NEU3: variants seen among roughly 807,000 people sequenced by gnomAD.
NEU3 encodes the protein neuraminidase 3, also known as sialidase-3.
A neutral mutation model predicts 11.4 loss-of-function variants in NEU3; 10 were observed. That is an observed-to-expected ratio of 0.88 (90% CI 0.54 to 1.49). The LOEUF (loss-of-function observed/expected upper bound fraction) is 1.49, where lower values mean the gene tolerates loss of function less well. NEU3 is among the 40% of genes most tolerant of loss of function. The pLI is 0.00. For synonymous variants in NEU3, 212 were observed against 228.2 expected, an observed-to-expected ratio of 0.93 and a Z score of 0.64; for missense variants, 529 against 581.8, an observed-to-expected ratio of 0.91 and a Z score of 0.93.
At position 75,006,643 on chromosome 11, in the gene NEU3, G is replaced by T; in HGVS notation, c.*151G>T. 1.1e-6 allele frequency: 1 copy of T among 927,574 alleles called. No individual in the cohort carries two copies. The highest frequency in any genetic ancestry group is 1.6e-6 in the Non-Finnish European group (1 of 640,504). 57.5% of individuals were successfully genotyped at this position (927,574 alleles called of 1,614,324 possible). A position where few individuals can be genotyped will look rare whatever the true frequency, so the allele number is the denominator to read the frequency against. ...CTCCAAAGAGCAAAATGAAAATTTT[G>T]CCTTAGCTACTGCAGTGGAAAGAGC... On this transcript the variant is annotated 3_prime_UTR_variant, in exon 3 of 3. Transcript: ENST00000294064.
At chr11:75,014,166 T>C (rs1363676185), downstream of NEU3, among the ~76,000 whole-genome samples, 1 of 152,214 alleles carries the variant, frequency 6.6e-6, no homozygotes, top group African/African-American at 2.4e-5. Flanking sequence ...ATCAGATGGC[T>C]TCCAAGACTC....
Position 74,994,618 on chromosome 11 carries a change from C to A in NEU3, c.204C>A (p.Thr68=), listed in dbSNP as rs780097053. Residue 68 remains threonine, a synonymous_variant, in exon 2 of 3, where the codon ACC becomes ACA. Coordinates refer to ENST00000294064, the MANE Select transcript of NEU3 (RefSeq NM_006656.6). ...CAGCCCTGCTCTACATACCCCCCAC[C>A]CACACCTTCCTGGCCTTTGCAGAGA... ...RIPALLYIPP[T]HTFLAFAEKR... 2 of 1,614,008 alleles carry A rather than the reference C, an allele frequency of 1.2e-6. No homozygotes were observed. The highest frequency in any genetic ancestry group is 4.5e-5 in the East Asian group (2 of 44,884).
At chr11:74,980,571 T>G in the NEU3 span, among the ~76,000 whole-genome samples, 1 of 152,192 alleles carries the variant, frequency 6.6e-6, no homozygotes, top group Non-Finnish European at 1.5e-5. Flanking sequence ...GCACGTTAAT[T>G]TAGACTTTTA....
upstream of NEU3, chr11:74,988,865 G>T (rs1344914339): frequency 5.2e-6 from 3 of 579,676 alleles, no homozygotes; most frequent in African/African-American, 3.9e-5. Flanking sequence ...TAGGCCAACG[G>T]TTGGCCCCAA....
At chr11:75,020,348 G>C (rs1948997713), downstream of NEU3, among the ~76,000 whole-genome samples, 1 of 152,188 alleles carries the variant, frequency 6.6e-6, no homozygotes, top group Non-Finnish European at 1.5e-5. Flanking sequence ...GTGAGGACCT[G>C]AGGTTTGGGA....
chr11:74,993,261 TG>T (rs749555571), intron 1 of NEU3, among the ~76,000 whole-genome samples: 11 of 152,128 alleles, frequency 7.2e-5, no homozygotes, highest in Admixed American at 5.2e-4. Flanking sequence ...TGGAGTGCAG[TG>T]GGGCAATCTC....
chr11:74,988,113 C>T (rs1013207718), upstream of NEU3: 2 of 151,988 alleles, frequency 1.3e-5, no homozygotes, highest in East Asian at 1.9e-4. Flanking sequence ...ATTTTTATGT[C>T]CTCTAAGTTA....
chr11:75,015,879 C>T (rs950956100), downstream of NEU3, among the ~76,000 whole-genome samples: 8 of 152,166 alleles, frequency 5.3e-5, no homozygotes, highest in African/African-American at 1.9e-4. Flanking sequence ...TACTGATATT[C>T]TTTCCAATAA....
chr11:75,005,310 AAT>A, intron 2 of NEU3, 101 bp from the exon 3 acceptor site: 4 of 1,225,954 alleles, frequency 3.3e-6, no homozygotes, highest in Non-Finnish European at 4.4e-6. Context: ...TATAGATTTC[AAT>A]ATCATTTATT....
the NEU3 span, among the ~76,000 whole-genome samples, chr11:74,982,980 T>C: frequency 1.3e-5 from 2 of 152,042 alleles, no homozygotes; most frequent in African/African-American, 4.8e-5. Flanking sequence ...TTAAACTGCT[T>C]GGTTTGGGTG....
chr11:74,989,067 C>T lies in NEU3; in HGVS notation c.7C>T (p.Pro3Ser). Residue 3 changes from proline (P) to serine (S), a missense_variant, in exon 1 of 3, where the codon CCT becomes TCT. Physicochemically the swap from Pro to Ser is moderately conservative, Grantham distance 74 (BLOSUM62 -1). Coordinates refer to ENST00000294064, the MANE Select transcript of NEU3 (RefSeq NM_006656.6). ...CTCTTCCGGGCTTCGGCGAATGAGA[C>T]CTGCGGACCTGCCCCCGCGCCCCAT... MR[P>S]ADLPPRPMEE... 1 of 1,550,342 alleles carries T rather than the reference C, an allele frequency of 6.5e-7. No individual in the cohort carries two copies. The highest frequency in any genetic ancestry group is 8.7e-7 in the Non-Finnish European group (1 of 1,146,748).
rs150915961 is a variant in NEU3, at chr11:74,994,613, C to G, written c.199C>G (p.Pro67Ala). ...GATCCCAGCCCTGCTCTACATACCCCCCACCCACACCTTCCTGGCCTTTGC... is the reference window on the plus strand; with the variant it reads ...GATCCCAGCCCTGCTCTACATACCCGCCACCCACACCTTCCTGGCCTTTGC... ...YRIPALLYIP[P>A]THTFLAFAEK... Residue 67 changes from proline (P) to alanine (A), a missense_variant, in exon 2 of 3, where the codon CCC becomes GCC. By Grantham distance (27) the Pro-to-Ala change is conservative. Transcript: ENST00000294064. 88 of 1,613,974 alleles carry G rather than the reference C, an allele frequency of 5.5e-5. 1 individual carries two copies. The South Asian group carries it at 8.7e-4, about 16-fold the overall frequency.
downstream of NEU3, among the ~76,000 whole-genome samples, chr11:75,014,604 ATGGTAGCTCATGCC>A (rs1948973315): frequency 6.6e-6 from 1 of 152,214 alleles, no homozygotes; most frequent in African/African-American, 2.4e-5. Flanking sequence ...TAGGCTGGGC[ATGGTAGCTCATGCC>A]TGTAATCCCA....
chr11:74,983,468 G>C (rs1323087096), upstream of NEU3, among the ~76,000 whole-genome samples: 1 of 152,176 alleles, frequency 6.6e-6, no homozygotes, highest in Non-Finnish European at 1.5e-5. Flanking sequence ...CAGTCACCAA[G>C]GTGAAATATC....
upstream of NEU3, chr11:74,988,862 A>G: frequency 1.7e-6 from 1 of 573,892 alleles, no homozygotes; most frequent in African/African-American, 2.0e-5. Context: ...GAGTAGGCCA[A>G]CGGTTGGCCC....
intron 2 of NEU3, among the ~76,000 whole-genome samples, chr11:74,995,788 G>GTATTAT (rs59676820): frequency 4.5e-4 from 66 of 147,348 alleles, no homozygotes; most frequent in African/African-American, 1.2e-3. Flanking sequence ...AAGATTTAGT[G>GTATTAT]TATTATTATT....
At position 74,989,662 on chromosome 11, in the gene NEU3, G is replaced by A. The variant is rs1591750107; in HGVS notation, c.94+508G>A. 3.9e-5 allele frequency among the ~76,000 whole-genome samples: 6 copies of A among 152,294 alleles called. No homozygotes were observed. The South Asian group carries it at 1.2e-3, about 32-fold the overall frequency. ...TAGGAAGGCCTCCTGGGATTCACTG[G>A]AGGCTCATTGGGTTAGTTGGAGGCT... On this transcript the variant is annotated intron_variant, in intron 1 of 2. Coordinates refer to ENST00000294064, the MANE Select transcript of NEU3 (RefSeq NM_006656.6).
downstream of NEU3, among the ~76,000 whole-genome samples, chr11:75,015,321 C>CTT (rs1328372960): frequency 6.6e-6 from 1 of 152,180 alleles, no homozygotes; most frequent in Non-Finnish European, 1.5e-5. Flanking sequence ...GTAGCTTGAT[C>CTT]TTATACTTTT....
intron 3 of NEU3, among the ~76,000 whole-genome samples, chr11:75,017,795 A>G (rs1424365438): frequency 6.6e-6 from 1 of 152,118 alleles, no homozygotes; most frequent in Non-Finnish European, 1.5e-5. Context: ...CCACTCTCGA[A>G]AAAGACCTCT....
Sources: allele counts gnomAD v4.1 joint callset (sites outside exome capture counted in the v4.1 genomes callset), GRCh38; gene constraint gnomAD v4.1.1; transcripts MANE v1.5; gene names NCBI Gene and HGNC (gene_info 2026-07-23, HGNC 2026-07-21).